Variants in KLRG1 observed in about 807,000 individuals in gnomAD.
The protein encoded by KLRG1 is killer cell lectin like receptor G1.
In KLRG1, 16 loss-of-function variants were observed where a neutral mutation model predicts 21.8. The observed-to-expected ratio is 0.73, with a 90% CI of 0.50 to 1.11. The LOEUF is 1.11. Ranked by LOEUF, KLRG1 falls within the 50% of genes most tolerant of loss-of-function variation. The pLI, the probability that KLRG1 is intolerant of heterozygous loss-of-function variation, is 0.00. For synonymous variants in KLRG1, 69 were observed against 75.9 expected (o/e 0.91, Z 0.47); for missense variants, 173 against 218.3 (o/e 0.79, Z 1.31).
chr12:9,138,378 C>T, the KLRG1 span, among the ~76,000 whole-genome samples: 2 of 151,826 alleles, frequency 1.3e-5, no homozygotes, highest in African/African-American at 4.8e-5. Context: ...GATGTATGAT[C>T]CCTTTAATGT....
At chr12:8,952,873 G>A (rs1313395031) in intron 1 of KLRG1, among the ~76,000 whole-genome samples, 1 of 152,220 alleles carries the variant, frequency 6.6e-6, no homozygotes, top group Non-Finnish European at 1.5e-5. Flanking sequence ...CAGGAGCCAA[G>A]CCAGAGTCAC....
chr12:9,076,551 G>A, the KLRG1 span, among the ~76,000 whole-genome samples: 5 of 152,166 alleles, frequency 3.3e-5, no homozygotes, highest in African/African-American at 1.2e-4. Context: ...TAATTGAGAA[G>A]CATCTGCACG....
At chr12:9,186,850 G>A in the KLRG1 span, among the ~76,000 whole-genome samples, 5 of 150,670 alleles carry the variant, frequency 3.3e-5, no homozygotes, top group East Asian at 2.0e-4. Context: ...GGGGCCTGTC[G>A]GGGGTGGGGG....
At chr12:8,996,826 T>C (rs1947146513) in intron 3 of KLRG1, among the ~76,000 whole-genome samples, 1 of 152,212 alleles carries the variant, frequency 6.6e-6, no homozygotes, top group Non-Finnish European at 1.5e-5. Context: ...CTCATTCTGA[T>C]ATAGTGACTC....
chr12:9,110,558 A>G, the KLRG1 span, among the ~76,000 whole-genome samples: 3 of 151,832 alleles, frequency 2.0e-5, no homozygotes, highest in Non-Finnish European at 4.4e-5. Context: ...CAGGCATGCA[A>G]TGCATGATAA....
chr12:8,994,399 A>G (rs1347412456), intron 2 of KLRG1, among the ~76,000 whole-genome samples: 1 of 152,194 alleles, frequency 6.6e-6, no homozygotes, highest in Admixed American at 6.6e-5. Context: ...CTATGAACCA[A>G]CCATTTTAAA....
In KLRG1 at chr12:8,960,393, A is replaced by C. The variant is rs904276670; in HGVS notation, c.-156+10157A>C. ...AAGCCTTTGGTTGAGTTCTGAGCTG[A>C]ACCACTTCAAAGGAGTAGGCAGAAC... On this transcript the variant is annotated intron_variant, in intron 1 of 4. Transcript: ENST00000539240. Among the ~76,000 whole-genome samples, 11 of 152,340 alleles carry C rather than the reference A, an allele frequency of 7.2e-5. No homozygotes were observed. In the South Asian group the frequency reaches 2.1e-3, roughly 29 times the overall value.
At position 8,971,535 on chromosome 12, in the gene KLRG1, G is replaced by A. The variant is rs2137254963; in HGVS notation, c.-155-20671G>A. On this transcript the variant is annotated intron_variant, in intron 1 of 4. Coordinates refer to the KLRG1 transcript ENST00000539240. Reference sequence around the variant, plus strand: ...GATTCTTGCTCTGTTGCCCAGGCTGGAGTGCAGCAGCTCACTGCAACCCCC... The same window carrying A: ...GATTCTTGCTCTGTTGCCCAGGCTGAAGTGCAGCAGCTCACTGCAACCCCC... 2.0e-5 allele frequency among the ~76,000 whole-genome samples: 3 copies of A among 152,008 alleles called. No individual in the cohort carries two copies. In the South Asian group the frequency reaches 6.2e-4, roughly 32 times the overall value.
chr12:9,188,758 G>A, the KLRG1 span, among the ~76,000 whole-genome samples: 1 of 152,204 alleles, frequency 6.6e-6, no homozygotes, highest in African/African-American at 2.4e-5. Flanking sequence ...AATCAGGAAT[G>A]CAAGCAATCC....
the KLRG1 span, among the ~76,000 whole-genome samples, chr12:9,108,066 C>T: frequency 6.6e-6 from 1 of 152,122 alleles, no homozygotes; most frequent in Non-Finnish European, 1.5e-5. Flanking sequence ...ATCCTCTCCC[C>T]ATGTGCAGCC....
Position 9,008,600 on chromosome 12 carries a change from G to GC in KLRG1, c.358-375_358-374insC, listed in dbSNP as rs1178858823. On this transcript the variant is annotated intron_variant, in intron 3 of 4. Coordinates refer to ENST00000356986, the MANE Select transcript of KLRG1 (RefSeq NM_005810.4). ...ACATCAAGGTTCTCTGGCTCCTGGT[G>GC]AGGACCTACTTCTGGCTTGCACATG... Among the ~76,000 whole-genome samples, 660 of 152,312 alleles carry GC rather than the reference G, an allele frequency of 4.3e-3. 4 individuals are homozygous for GC. Among genetic ancestry groups the GC allele is most frequent in the African/African-American group, 0.015 (622 of 41,580 alleles).
chr12:9,063,850 A>C, the KLRG1 span, among the ~76,000 whole-genome samples: 1 of 152,196 alleles, frequency 6.6e-6, no homozygotes. Context: ...ATAGTAGGCA[A>C]TCAGTTAGTA....
At chr12:9,194,344 C>T in the KLRG1 span, 1 of 1,026,486 alleles carries the variant, frequency 9.7e-7, no homozygotes, top group Non-Finnish European at 1.4e-6. Context: ...CAACCTCCCC[C>T]TCAAAAAAAC....
chr12:9,009,999 T>C lies in KLRG1; in HGVS notation c.*462T>C. ...TGATGGTATATTTCTATCCTAACAG[T>C]GTCCCTTTGCAGATCAAGCTTTATT... is the stretch of plus-strand genomic sequence containing the variant. On this transcript the variant is annotated 3_prime_UTR_variant, in exon 5 of 5. Transcript: ENST00000356986. 6.5e-7 allele frequency: 1 copy of C among 1,534,544 alleles called. No individual in the cohort carries two copies. Among genetic ancestry groups the C allele is most frequent in the Non-Finnish European group, 8.7e-7 (1 of 1,146,022 alleles).
At chr12:9,045,649 A>G in the KLRG1 span, among the ~76,000 whole-genome samples, 1 of 152,214 alleles carries the variant, frequency 6.6e-6, no homozygotes, top group Admixed American at 6.5e-5. Flanking sequence ...GAGATGGGAA[A>G]TATCAGCAGA....
At chr12:9,128,376 G>A in the KLRG1 span, 2 of 156,400 alleles carry the variant, frequency 1.3e-5, no homozygotes, top group South Asian at 1.8e-4. Context: ...GTCGCGGACC[G>A]GTGGCGTACC....
At chr12:9,112,816 G>A in the KLRG1 span, 1 of 392,202 alleles carries the variant, frequency 2.5e-6, no homozygotes, top group East Asian at 4.9e-5. Context: ...TATACGCTGA[G>A]CTTTACCAGG....
the KLRG1 span, among the ~76,000 whole-genome samples, chr12:9,184,781 A>AT: frequency 2.4e-4 from 36 of 152,222 alleles, no homozygotes; most frequent in Admixed American, 3.9e-4. Context: ...GAGTTACAGC[A>AT]TGCAATCCAG....
the KLRG1 span, chr12:9,202,169 TG>T: frequency 4.4e-6 from 3 of 677,810 alleles, no homozygotes; most frequent in African/African-American, 5.4e-5. Flanking sequence ...ATTTTTGTTT[TG>T]TATAAGACTG....
Sources: allele counts gnomAD v4.1 joint callset (sites outside exome capture counted in the v4.1 genomes callset), GRCh38; gene constraint gnomAD v4.1.1; transcripts MANE v1.5; gene names NCBI Gene and HGNC (gene_info 2026-07-23, HGNC 2026-07-21).